The following TAFA4 variants were observed in gnomAD, a reference collection of about 807,000 sequenced individuals.
TAFA4 encodes chemokine-like protein TAFA-4.
In TAFA4, 20 loss-of-function variants were observed where a neutral mutation model predicts 21.1. That is an observed-to-expected ratio of 0.95 (90% CI 0.67 to 1.38). The LOEUF is 1.38. Ranked by LOEUF, TAFA4 falls within the 40% of genes most tolerant of loss-of-function variation. The pLI is 0.00. For missense variants in TAFA4, 211 were observed against 180.9 expected (o/e 1.17, Z -0.95); for synonymous variants, 71 against 67.4 (o/e 1.05, Z -0.26).
intron 3 of TAFA4, among the ~76,000 whole-genome samples, chr3:68,832,571 G>A (rs1304021275): frequency 6.6e-6 from 1 of 152,152 alleles, no homozygotes. Context: ...ATCCCAGAGG[G>A]GCACCCACCT....
At chr3:68,838,603 G>T (rs1471601035) in intron 3 of TAFA4, among the ~76,000 whole-genome samples, 1 of 152,134 alleles carries the variant, frequency 6.6e-6, no homozygotes, top group African/African-American at 2.4e-5. Context: ...ATATTTTAGG[G>T]TTTGCGGGCC....
At chr3:68,769,118 C>T (rs980258089) in intron 3 of TAFA4, among the ~76,000 whole-genome samples, 1 of 152,180 alleles carries the variant, frequency 6.6e-6, no homozygotes, top group African/African-American at 2.4e-5. Flanking sequence ...CAGACAAGTG[C>T]TTCATCTGTA....
At chr3:68,830,728 T>C (rs918246505) in intron 3 of TAFA4, among the ~76,000 whole-genome samples, 1 of 152,102 alleles carries the variant, frequency 6.6e-6, no homozygotes, top group Non-Finnish European at 1.5e-5. Context: ...GCTGAGTTCA[T>C]GTCTTGAATA....
At chr3:68,805,818 G>T (rs934355615) in intron 3 of TAFA4, among the ~76,000 whole-genome samples, 5 of 151,958 alleles carry the variant, frequency 3.3e-5, no homozygotes, top group Non-Finnish European at 7.4e-5. Context: ...GGTGGGGGGA[G>T]GAGAGGGGGA....
intron 3 of TAFA4, among the ~76,000 whole-genome samples, chr3:68,761,205 A>G (rs1702749915): frequency 6.6e-6 from 1 of 152,258 alleles, no homozygotes; most frequent in Admixed American, 6.5e-5. Flanking sequence ...CTTAAAGAAC[A>G]CAGTGAACTA....
At chr3:68,803,429 C>T (rs963874948) in intron 3 of TAFA4, among the ~76,000 whole-genome samples, 1 of 152,070 alleles carries the variant, frequency 6.6e-6, no homozygotes, top group South Asian at 2.1e-4. Flanking sequence ...CTGATTTATT[C>T]CCAGTTGCTG....
chr3:68,758,211 A>C (rs919990509), intron 3 of TAFA4, among the ~76,000 whole-genome samples: 2 of 152,162 alleles, frequency 1.3e-5, no homozygotes, highest in African/African-American at 2.4e-5. Flanking sequence ...CATCTTTTTC[A>C]ATTTGATGAC....
At chr3:68,906,935 G>A (rs138454628) in intron 1 of TAFA4, among the ~76,000 whole-genome samples, 74 of 150,940 alleles carry the variant, frequency 4.9e-4, no homozygotes, top group African/African-American at 1.3e-3. Context: ...GGAGGCCGAC[G>A]TGGGAAGATC....
chr3:68,871,202 C>A lies in TAFA4; in HGVS notation c.130+9528G>T, dbSNP rs1353985912. 3.3e-5 allele frequency among the ~76,000 whole-genome samples: 5 copies of A among 152,182 alleles called. No individual in the cohort carries two copies. In the South Asian group the frequency reaches 1.0e-3, roughly 32 times the overall value. ...ACCATTTGACCCAGCAATCCCATTA[C>A]TGAGTATATACCCAAATGATTATAA... is the stretch of plus-strand genomic sequence containing the variant. On this transcript the variant is annotated intron_variant, in intron 3 of 5. Coordinates refer to ENST00000295569, the MANE Select transcript of TAFA4 (RefSeq NM_182522.5).
chr3:68,919,973 C>T (rs541351525), intron 1 of TAFA4, among the ~76,000 whole-genome samples: 140 of 152,126 alleles, frequency 9.2e-4, no homozygotes, highest in Non-Finnish European at 1.8e-3. Flanking sequence ...CACATGGGTA[C>T]CAAGAGATTG....
At chr3:68,874,576 AAAG>A (rs950979601) in intron 3 of TAFA4, among the ~76,000 whole-genome samples, 9 of 152,184 alleles carry the variant, frequency 5.9e-5, no homozygotes, top group African/African-American at 2.2e-4. Flanking sequence ...CCGTGGCTTG[AAAG>A]AAGAAAAAGG....
At chr3:68,834,904 G>T (rs1044502351) in intron 3 of TAFA4, among the ~76,000 whole-genome samples, 2 of 152,080 alleles carry the variant, frequency 1.3e-5, no homozygotes, top group African/African-American at 4.8e-5. Context: ...CTCTGTTTCT[G>T]CTCTTGCCCT....
chr3:68,839,122 T>C (rs1704594454), intron 3 of TAFA4, among the ~76,000 whole-genome samples: 1 of 151,894 alleles, frequency 6.6e-6, no homozygotes, highest in Non-Finnish European at 1.5e-5. Flanking sequence ...ACAACAAAAA[T>C]TCCCTGCCTA....
chr3:68,739,074 C>A lies in TAFA4; in HGVS notation c.411+1G>T. 6.2e-7 allele frequency: 1 copy of A among 1,613,466 alleles called. No individual in the cohort carries two copies. The highest frequency in any genetic ancestry group is 8.5e-7 in the Non-Finnish European group (1 of 1,179,712). On this transcript the variant is annotated splice_donor_variant, in intron 5 of 5. Transcript: ENST00000295569. LOFTEE classifies it high-confidence loss of function. ...TGTAGTTGCATTTTGTCTATACTTG[C>A]CTTCGTAGTTTTGACTTTATTGCCA...
chr3:68,921,397 T>C (rs527416713), intron 1 of TAFA4, among the ~76,000 whole-genome samples: 24 of 152,324 alleles, frequency 1.6e-4, no homozygotes, highest in South Asian at 6.2e-4. Context: ...TCTTTACATG[T>C]GTTTTCTTAT....
chr3:68,858,577 C>CGTGTGTGTGTGTGT (rs4065047), intron 3 of TAFA4, among the ~76,000 whole-genome samples: 28 of 146,058 alleles, frequency 1.9e-4, no homozygotes, highest in African/African-American at 6.3e-4. Flanking sequence ...TTCCAAGTGA[C>CGTGTGTGTGTGTGT]GTGTGTGTGT....
chr3:68,807,619 G>A (rs918884511), intron 3 of TAFA4, among the ~76,000 whole-genome samples: 1 of 152,176 alleles, frequency 6.6e-6, no homozygotes, highest in African/African-American at 2.4e-5. Flanking sequence ...TAAGAGCTTA[G>A]ATCCTGACTT....
chr3:68,850,730 G>T (rs1000795814), intron 3 of TAFA4, among the ~76,000 whole-genome samples: 17 of 149,672 alleles, frequency 1.1e-4, no homozygotes, highest in Admixed American at 6.0e-4. Context: ...TTTTAACAGG[G>T]TTTTTTTTTT....
chr3:68,747,489 G>GT (rs1449817365), intron 4 of TAFA4, among the ~76,000 whole-genome samples: 1 of 152,172 alleles, frequency 6.6e-6, no homozygotes, highest in East Asian at 1.9e-4. Flanking sequence ...CTGCTGCCAT[G>GT]TAAGACATGC....
Sources: allele counts gnomAD v4.1 joint callset (sites outside exome capture counted in the v4.1 genomes callset), GRCh38; gene constraint gnomAD v4.1.1; transcripts MANE v1.5; gene names NCBI Gene and HGNC (gene_info 2026-07-23, HGNC 2026-07-21).